Variants in ZNF687 observed in about 807,000 individuals in gnomAD.
ZNF687 encodes zinc finger protein 687.
A neutral mutation model predicts 71.8 loss-of-function variants in ZNF687; 13 were observed. The ratio of observed to expected loss-of-function variants is 0.18; its 90% CI spans 0.12 to 0.29. The LOEUF (loss-of-function observed/expected upper bound fraction) is 0.29, where lower values mean the gene tolerates loss of function less well. ZNF687 is among the 10% of genes least tolerant of loss of function. The probability of loss-of-function intolerance (pLI) is 1.00; values close to 1 mark genes in which losing one functional copy is unlikely to be tolerated. For synonymous variants in ZNF687, 673 were observed against 641.6 expected, an observed-to-expected ratio of 1.05 and a Z score of -0.74; for missense variants, 1,412 against 1,625.6, an observed-to-expected ratio of 0.87 and a Z score of 2.26.
chr1:151,289,201 T>A lies in ZNF687; in HGVS notation c.2401T>A (p.Phe801Ile). The A allele has an allele frequency of 6.2e-7, 1 of 1,614,144 alleles. No homozygotes were observed. The highest frequency in any genetic ancestry group is 8.5e-7 in the Non-Finnish European group (1 of 1,180,036). ...FHKCPICPMA[F>I]KSGPSAHAHL... ...CAAGTGCCCCATCTGCCCCATGGCC[T>A]TCAAGTCTGGGCCAAGTGCCCATGC... The change falls in exon 4 of 9, where the codon TTC becomes ATC. Residue 801 changes from phenylalanine to isoleucine, a missense_variant. Coordinates refer to ENST00000336715, the MANE Select transcript of ZNF687 (RefSeq NM_020832.3).
At chr1:151,290,377 G>T in intron 7 of ZNF687, 55 bp from the exon 8 acceptor site, 1 of 1,613,260 alleles carries the variant, frequency 6.2e-7, no homozygotes. Flanking sequence ...TCAGAAGCAA[G>T]GGCCCTGGCC....
At position 151,291,528 on chromosome 1, in the gene ZNF687, C is replaced by T. The variant is rs1433366470; in HGVS notation, c.*319C>T. On this transcript the variant is annotated 3_prime_UTR_variant, in exon 9 of 9. Transcript: ENST00000336715. The stretch of plus-strand genomic sequence containing the variant: ...ATGGGACTTAGGTATGCCTGCTAGA[C>T]AGGTTCAGGGAAGGACTGATGGGGG... The T allele has an allele frequency of 6.8e-6, 2 of 293,712 alleles. No individual in the cohort carries two copies. Among genetic ancestry groups the T allele is most frequent in the Admixed American group, 4.9e-5 (1 of 20,606 alleles). The allele number at this position is 293,712 out of a possible 1,614,324, so 18.2% of individuals were successfully genotyped here.
Position 151,288,236 on chromosome 1 carries a change from G to T in ZNF687, c.1945G>T (p.Ala649Ser). 1.9e-6 allele frequency: 3 copies of T among 1,613,640 alleles called. No individual in the cohort carries two copies. The highest frequency in any genetic ancestry group is 2.5e-6 in the Non-Finnish European group (3 of 1,180,012). The change falls in exon 2 of 9, where the codon GCT becomes TCT. Residue 649 changes from alanine to serine, a missense_variant. Coordinates refer to ENST00000336715, the MANE Select transcript of ZNF687 (RefSeq NM_020832.3). ...AITSSAITTVAAEAPVLPLST... is the reference protein window; with the variant it reads ...AITSSAITTVSAEAPVLPLST... Reference sequence around the variant, plus strand: ...CACCTCCTCTGCCATTACTACAGTTGCTGCTGAGGCCCCTGTCCTGCCGCT... The same window carrying T: ...CACCTCCTCTGCCATTACTACAGTTTCTGCTGAGGCCCCTGTCCTGCCGCT...
rs183646760 is a variant in ZNF687, at chr1:151,291,351, T to C, written c.*142T>C. On this transcript the variant is annotated 3_prime_UTR_variant, in exon 9 of 9. Coordinates refer to ENST00000336715, the MANE Select transcript of ZNF687 (RefSeq NM_020832.3). ...TCTCCAACCTGAAGAAGAAGAGCAT[T>C]TGAGGATTATTCTAGTTATTTGCAA... 1.3e-4 allele frequency: 154 copies of C among 1,189,678 alleles called. 2 individuals carry two copies. The East Asian group carries it at 3.4e-3, about 26-fold the overall frequency. 73.7% of individuals were successfully genotyped at this position (1,189,678 alleles called of 1,614,324 possible).
intron 1 of ZNF687, chr1:151,285,560 T>A (rs755689479): frequency 6.6e-6 from 1 of 152,216 alleles, no homozygotes. Context: ...ACTACAGGTG[T>A]GTGCTGCCAT....
chr1:151,284,802 CTTTT>C (rs869269504), intron 1 of ZNF687, among the ~76,000 whole-genome samples: 6 of 56,410 alleles, frequency 1.1e-4, no homozygotes, highest in Non-Finnish European at 1.6e-4. Context: ...CTTGTCTTGT[CTTTT>C]TTTTTTTTTT....
chr1:151,289,767 G>A lies in ZNF687; in HGVS notation c.2724G>A (p.Leu908=). 1.3e-6 allele frequency: 2 copies of A among 1,560,802 alleles called. No homozygotes were observed. The highest frequency in any genetic ancestry group is 4.8e-5 in the East Asian group (2 of 41,792). Residue 908 remains leucine (L), a synonymous_variant, in exon 6 of 9, where the codon CTG becomes CTA. Transcript: ENST00000336715. ...CCCCCAAGACTGAGCCTGAGGAGCT[G>A]GCTGTTTCTCAGGGAGGGGCAGCCC... is the stretch of plus-strand genomic sequence containing the variant. ...LLTPKTEPEE[L]AVSQGGAAPA...
At chr1:151,284,802 CTTTTTTTTT>C (rs869269504) in intron 1 of ZNF687, among the ~76,000 whole-genome samples, 10 of 56,420 alleles carry the variant, frequency 1.8e-4, no homozygotes, top group Middle Eastern at 0.027. Context: ...CTTGTCTTGT[CTTTTTTTTT>C]TTTTTTTTTT....
chr1:151,290,314 G>A (rs1694168099), intron 7 of ZNF687, 80 bp downstream of exon 7: 5 of 1,607,494 alleles, frequency 3.1e-6, no homozygotes, highest in Middle Eastern at 1.7e-4. Context: ...CACCTGCGAC[G>A]TGTCTAAGTG....
rs1480567518 is a variant in ZNF687 at position 151,291,250 on chromosome 1, C to T, written c.*41C>T. 6.5e-7 allele frequency: 1 copy of T among 1,547,952 alleles called. No homozygotes were observed. The highest frequency in any genetic ancestry group is 8.7e-7 in the Non-Finnish European group (1 of 1,146,634). On this transcript the variant is annotated 3_prime_UTR_variant, in exon 9 of 9. Transcript: ENST00000336715. Reference sequence around the variant, plus strand: ...ACTGACCAGCCCCTTCCTCTTGGAGCCTGGTTTTCCCTACTGCTGCCTGAT... The same window carrying T: ...ACTGACCAGCCCCTTCCTCTTGGAGTCTGGTTTTCCCTACTGCTGCCTGAT...
upstream of ZNF687, chr1:151,282,187 G>T (rs1197601319): frequency 9.1e-7 from 1 of 1,097,626 alleles, no homozygotes; most frequent in Non-Finnish European, 1.1e-6. Context: ...GCTGGAAGGG[G>T]CACAGGGCTG....
In ZNF687 at chr1:151,289,433, T is replaced by C; in HGVS notation, c.2527T>C (p.Ser843Pro). Residue 843 changes from serine (S) to proline (P), a missense_variant, in exon 5 of 9, where the codon TCC becomes CCC. Around this residue, in one of 8 missense-constraint regions of ZNF687, gnomAD observed 106 missense variants for 146.0 expected, o/e 0.73. Transcript: ENST00000336715. ...DTVFTHKPLLSSHFDQHLLPQ... is the reference protein window; with the variant it reads ...DTVFTHKPLLPSHFDQHLLPQ... The stretch of plus-strand genomic sequence containing the variant: ...AGTCTTCACTCACAAACCCCTCCTC[T>C]CCTCACACTTCGACCAGCACTTGCT... The C allele has an allele frequency of 6.2e-7, 1 of 1,614,160 alleles. No individual in the cohort carries two copies. The highest frequency in any genetic ancestry group is 8.5e-7 in the Non-Finnish European group (1 of 1,180,052).
intron 1 of ZNF687, 75 bp downstream of exon 1, chr1:151,282,470 C>A: frequency 1.0e-6 from 1 of 954,292 alleles, no homozygotes; most frequent in Non-Finnish European, 1.2e-6. Context: ...CCCCGCCCCT[C>A]CCCCACTTGG....
At position 151,283,810 on chromosome 1, in the gene ZNF687, C is replaced by A. The variant is rs1571087310; in HGVS notation, c.-18+1415C>A. On this transcript the variant is annotated intron_variant, in intron 1 of 8. Transcript: ENST00000336715. ...CCCTTTGGTTTTGCCCCCACCCCAA[C>A]CTTGGTCCCAGCAATCCCAGCTGCC... The A allele has an allele frequency of 3.0e-6, 3 of 985,230 alleles. No individual in the cohort carries two copies. The South Asian group carries it at 1.4e-4, about 46-fold the overall frequency. 61.0% of individuals were successfully genotyped at this position (985,230 alleles called of 1,614,324 possible).
chr1:151,290,796 AG>A lies in ZNF687; in HGVS notation c.3305del (p.Gly1102AlafsTer24). 1 of 1,613,790 alleles carries A rather than the reference AG, an allele frequency of 6.2e-7. No individual in the cohort carries two copies. The highest frequency in any genetic ancestry group is 8.5e-7 in the Non-Finnish European group (1 of 1,179,986). ...DSTTPPAKSP[R>X]GGPGSGGHGP... ...CACGACACCGCCAGCCAAGTCCCCC[AG>A]GGGCGGACCTGGATCTGGAGGCCAT... is the stretch of plus-strand genomic sequence containing the variant. On this transcript the variant is annotated frameshift_variant, in exon 9 of 9. Coordinates refer to ENST00000336715, the MANE Select transcript of ZNF687 (RefSeq NM_020832.3). LOFTEE classifies it high-confidence loss of function.
chr1:151,288,964 C>T, intron 3 of ZNF687, 131 bp from the exon 4 acceptor site: 4 of 1,095,616 alleles, frequency 3.7e-6, no homozygotes, highest in Non-Finnish European at 5.2e-6. Flanking sequence ...TCTCCTTTCT[C>T]CACCCTGCTC....
Position 151,286,439 on chromosome 1 carries a change from G to A in ZNF687, c.148G>A (p.Glu50Lys), listed in dbSNP as rs1281752545. 2 of 1,613,706 alleles carry A rather than the reference G, an allele frequency of 1.2e-6. No individual in the cohort carries two copies. Among genetic ancestry groups the A allele is most frequent in the African/African-American group, 2.7e-5 (2 of 74,906 alleles). Residue 50 changes from glutamate to lysine, a missense_variant, in exon 2 of 9, where the codon GAA becomes AAA. Physicochemically the swap from Glu to Lys is moderately conservative, Grantham distance 56. This residue lies in a region of ZNF687 where 490 missense variants were observed against 489.9 expected (regional missense o/e 1.00). Coordinates refer to ENST00000336715, the MANE Select transcript of ZNF687 (RefSeq NM_020832.3). ...PGKPEPGVGS[E>K]SEDTAAASAG... ...GAAGCCAGAACCAGGTGTAGGAAGT[G>A]AATCTGAAGACACAGCAGCAGCCTC...
intron 1 of ZNF687, chr1:151,283,260 C>G: frequency 1.0e-5 from 10 of 985,446 alleles, no homozygotes; most frequent in Non-Finnish European, 1.2e-5. Flanking sequence ...TTGGCCTCAA[C>G]CTAATCGCCG....
Position 151,289,870 on chromosome 1 carries a change from C to A in ZNF687, c.2827C>A (p.Arg943=), listed in dbSNP as rs371340365. ...SSPEPPRPAK[R]PRRELGSKGL... is the part of the protein sequence containing the mutation. ...CCCTGAGCCCCCCCGTCCAGCCAAA[C>A]GGCCTCGGCGGGAACTAGGGAGCAA... The change falls in exon 6 of 9, where the codon CGG becomes AGG. Residue 943 remains arginine (R), a synonymous_variant. Transcript: ENST00000336715. 2 of 1,563,950 alleles carry A rather than the reference C, an allele frequency of 1.3e-6. No individual in the cohort carries two copies. Among genetic ancestry groups the A allele is most frequent in the South Asian group, 1.2e-5 (1 of 85,792 alleles).
Sources: allele counts gnomAD v4.1 joint callset (sites outside exome capture counted in the v4.1 genomes callset), GRCh38; gene constraint gnomAD v4.1.1; regional missense constraint gnomAD v4.1.1; transcripts MANE v1.5; gene names NCBI Gene and HGNC (gene_info 2026-07-23, HGNC 2026-07-21).